The following RHBDD1 variants were observed in gnomAD, a reference collection of about 807,000 sequenced individuals.
RHBDD1 encodes rhomboid domain containing 1.
In RHBDD1, 38 loss-of-function variants were observed where a neutral mutation model predicts 36.3. That is an observed-to-expected ratio of 1.05 (90% CI 0.81 to 1.37). The LOEUF is 1.37. Among genes scored for constraint, RHBDD1 ranks in the 40% most tolerant of loss-of-function variants. The pLI, the probability that RHBDD1 is intolerant of heterozygous loss-of-function variation, is 0.00. For synonymous variants in RHBDD1, 151 were observed against 136.5 expected (o/e 1.11, Z -0.74); for missense variants, 393 against 377.6 (o/e 1.04, Z -0.34).
intron 5 of RHBDD1, among the ~76,000 whole-genome samples, chr2:226,883,494 C>T (rs1332850930): frequency 1.3e-5 from 2 of 152,110 alleles, no homozygotes; most frequent in East Asian, 1.9e-4. Context: ...CAGAGAAGAG[C>T]GGTAGGTAGA....
At chr2:226,972,448 G>A (rs114004030) in intron 8 of RHBDD1, among the ~76,000 whole-genome samples, 4,536 of 152,164 alleles carry the variant, frequency 0.03, 75 homozygotes, top group Middle Eastern at 0.095. Context: ...GCCCTGCTAT[G>A]CCCCCTGGAA....
upstream of RHBDD1, among the ~76,000 whole-genome samples, chr2:226,831,960 T>A (rs1459941297): frequency 1.0e-5 from 1 of 97,188 alleles, no homozygotes; most frequent in African/African-American, 1.2e-4. Context: ...TTTACTGGTT[T>A]TTTTTTTTTT....
chr2:226,906,875 T>C lies in RHBDD1; in HGVS notation c.649T>C (p.Cys217Arg), dbSNP rs1398941033. The C allele has an allele frequency of 1.9e-6, 3 of 1,614,120 alleles. No homozygotes were observed. The highest frequency in any genetic ancestry group is 2.5e-6 in the Non-Finnish European group (3 of 1,179,978). Reference sequence around the variant, plus strand: ...GCCTCTGAAGAAAATCATGGAAGCATGTGCAGGTACAGAATAAAACACCTT... The same window carrying C: ...GCCTCTGAAGAAAATCATGGAAGCACGTGCAGGTACAGAATAAAACACCTT... Reference protein sequence around the residue: ...QGPLKKIMEACAGGFSSSVGY... With the variant: ...QGPLKKIMEARAGGFSSSVGY... Residue 217 changes from cysteine (C) to arginine (R), a missense_variant, in exon 6 of 9, where the codon TGT becomes CGT. Transcript: ENST00000392062.
At chr2:226,841,186 G>GTAA (rs1941587257) in intron 3 of RHBDD1, among the ~76,000 whole-genome samples, 2 of 151,942 alleles carry the variant, frequency 1.3e-5, no homozygotes, top group Non-Finnish European at 2.9e-5. Context: ...AGATTGGAGT[G>GTAA]CAGTGGTGTG....
chr2:226,914,118 C>G (rs757492502), intron 7 of RHBDD1, 90 bp from the exon 8 acceptor site: 1 of 1,102,962 alleles, frequency 9.1e-7, no homozygotes, highest in Non-Finnish European at 1.3e-6. Context: ...TAATGTTATG[C>G]CTTACTCGCT....
chr2:226,945,410 T>G (rs544359428), intron 8 of RHBDD1, among the ~76,000 whole-genome samples: 15 of 152,184 alleles, frequency 9.9e-5, no homozygotes, highest in Admixed American at 4.6e-4. Context: ...ACATATGGTG[T>G]TTGGTTTCCT....
At chr2:226,817,070 C>T in the RHBDD1 span, among the ~76,000 whole-genome samples, 7 of 152,220 alleles carry the variant, frequency 4.6e-5, no homozygotes, top group African/African-American at 1.7e-4. Context: ...GCTAATGCTT[C>T]CAGTGTCTAA....
At chr2:226,910,646 C>A (rs981459008) in intron 7 of RHBDD1, among the ~76,000 whole-genome samples, 1 of 151,070 alleles carries the variant, frequency 6.6e-6, no homozygotes, top group Non-Finnish European at 1.5e-5. Flanking sequence ...TTTTCTTTTA[C>A]TACAGAGCCT....
At position 226,911,369 on chromosome 2, in the gene RHBDD1, C is replaced by G. The variant is rs368497297; in HGVS notation, c.712+2491C>G. Among the ~76,000 whole-genome samples the G allele has an allele frequency of 3.9e-5, 6 of 152,160 alleles. No individual in the cohort carries two copies. In the East Asian group the frequency reaches 9.7e-4, roughly 24 times the overall value. On this transcript the variant is annotated intron_variant, in intron 7 of 8. Coordinates refer to ENST00000392062, the MANE Select transcript of RHBDD1 (RefSeq NM_001167608.3). ...GTATTCCAGTAAAATAATTGGCATT[C>G]ATAGGGAATTGGGCAGTTTCTCTAA...
rs1959168705 is a variant in RHBDD1 at position 226,995,445 on chromosome 2, A to G, written c.871A>G (p.Ser291Gly). The G allele has an allele frequency of 6.2e-7, 1 of 1,611,778 alleles. No homozygotes were observed. The highest frequency in any genetic ancestry group is 1.1e-5 in the South Asian group (1 of 90,752). Residue 291 changes from serine to glycine, a missense_variant, in exon 9 of 9, where the codon AGC (serine) becomes GGC (glycine). Transcript: ENST00000392062. ...TCTCACTACAGGAAATACCAGAAAT[A>G]GCCCACCACCCTACGGGTTTCATCT... is the stretch of plus-strand genomic sequence containing the variant. Reference protein sequence around the residue: ...SLWDRGNTRNSPPPYGFHLSP... With the variant: ...SLWDRGNTRNGPPPYGFHLSP...
At chr2:226,917,499 G>C (rs1948996891) in intron 8 of RHBDD1, among the ~76,000 whole-genome samples, 1 of 151,998 alleles carries the variant, frequency 6.6e-6, no homozygotes, top group Non-Finnish European at 1.5e-5. Flanking sequence ...TGAAGCCAAG[G>C]GTTTTGTTTC....
At chr2:226,907,115 G>GTA in intron 6 of RHBDD1, 1 of 586,382 alleles carries the variant, frequency 1.7e-6, no homozygotes, top group Non-Finnish European at 3.0e-6. Flanking sequence ...ACAAATATCA[G>GTA]TATATATTTA....
intron 8 of RHBDD1, among the ~76,000 whole-genome samples, chr2:226,952,269 T>G (rs1211202241): frequency 2.7e-5 from 4 of 150,066 alleles, no homozygotes; most frequent in Non-Finnish European, 5.9e-5. Flanking sequence ...GTGCTTCCTG[T>G]TTTTTTTGTT....
intron 8 of RHBDD1, among the ~76,000 whole-genome samples, chr2:226,926,747 C>G (rs1949695290): frequency 6.6e-6 from 1 of 152,130 alleles, no homozygotes; most frequent in Admixed American, 6.6e-5. Context: ...TTTCCCTTTG[C>G]TGTTTGCAAG....
intron 8 of RHBDD1, among the ~76,000 whole-genome samples, chr2:226,951,587 A>C (rs1286071383): frequency 6.6e-6 from 1 of 152,218 alleles, no homozygotes; most frequent in Non-Finnish European, 1.5e-5. Flanking sequence ...GAATATTTTC[A>C]GGGTCTTCAG....
At chr2:226,954,981 A>G (rs1214639638) in intron 8 of RHBDD1, among the ~76,000 whole-genome samples, 1 of 151,952 alleles carries the variant, frequency 6.6e-6, no homozygotes, top group Non-Finnish European at 1.5e-5. Flanking sequence ...TTGCCTTCCT[A>G]CAGTATCGAG....
the RHBDD1 span, among the ~76,000 whole-genome samples, chr2:226,819,812 T>A: frequency 6.6e-6 from 1 of 152,176 alleles, no homozygotes; most frequent in Non-Finnish European, 1.5e-5. Context: ...CTATCTTTTT[T>A]CCTAGGTCAA....
Position 226,864,798 on chromosome 2 carries a change from G to A in RHBDD1, c.105G>A (p.Leu35=). 6.2e-7 allele frequency: 1 copy of A among 1,614,126 alleles called. No individual in the cohort carries two copies. ...TTCCACCTGTCACCCTAGCAACTTT[G>A]GCCCTCAACATCTGGTTCTTCTTGA... is the stretch of plus-strand genomic sequence containing the variant. The part of the protein sequence containing the change: ...NNIPPVTLAT[L]ALNIWFFLNP... The change falls in exon 4 of 9, where the codon TTG becomes TTA. Residue 35 remains leucine (L), a synonymous_variant. Transcript: ENST00000392062.
At chr2:226,923,408 T>C (rs1381289309) in intron 8 of RHBDD1, among the ~76,000 whole-genome samples, 1 of 152,160 alleles carries the variant, frequency 6.6e-6, no homozygotes, top group African/African-American at 2.4e-5. Flanking sequence ...CTCCATTGTA[T>C]GTTATTTGTT....
Sources: gnomAD v4.1 joint callset for allele counts (sites outside exome capture counted in the v4.1 genomes callset) on GRCh38, gnomAD v4.1.1 for gene constraint, MANE v1.5 for transcripts, NCBI Gene and HGNC (gene_info 2026-07-23, HGNC 2026-07-21) for gene names.